CFHR4: variants seen among roughly 807,000 people sequenced by gnomAD.
CFHR4 encodes the protein complement factor H-related protein 4.
CFHR4 carries 64 observed loss-of-function variants against 69.3 expected under a neutral mutation model. That is an observed-to-expected ratio of 0.92 (90% CI 0.76 to 1.14). The LOEUF is 1.14. Ranked by LOEUF, CFHR4 falls within the 50% of genes most tolerant of loss-of-function variation. The pLI is 0.00. For synonymous variants in CFHR4, 244 were observed against 237.0 expected (o/e 1.03, Z -0.27); for missense variants, 636 against 684.9 (o/e 0.93, Z 0.80).
chr1:196,910,292 TG>T lies in CFHR4; in HGVS notation c.812del (p.Cys271LeufsTer23). 1 of 1,592,670 alleles carries T rather than the reference TG, an allele frequency of 6.3e-7. No homozygotes were observed. Among genetic ancestry groups the T allele is most frequent in the Non-Finnish European group, 8.6e-7 (1 of 1,167,456 alleles). ...TTTTTTGTTACAAGCAATGAAACCT[TG>T]TGAGTTTCCAGAAATTCAACATGGA... ...EPPRCISMKP[C>X]EFPEIQHGHL... On this transcript the variant is annotated frameshift_variant, in exon 6 of 10. Transcript: ENST00000608469. LOFTEE classifies it high-confidence loss of function.
rs1245531524 is a variant in CFHR4, at chr1:196,916,287, G to C, written c.1540+1149G>C. 4.0e-5 allele frequency among the ~76,000 whole-genome samples: 6 copies of C among 151,754 alleles called. No individual in the cohort carries two copies. In the East Asian group the frequency reaches 7.7e-4, roughly 20 times the overall value. ...CAAGTTTCTACTAGCCTATGAGGTA[G>C]AGCCCTGGGATACCCATCAGTCCTT... On this transcript the variant is annotated intron_variant, in intron 9 of 9. Coordinates refer to ENST00000608469, the MANE Select transcript of CFHR4 (RefSeq NM_001201550.3).
chr1:196,910,178 A>G, intron 5 of CFHR4, 103 bp from the exon 6 acceptor site: 1 of 755,680 alleles, frequency 1.3e-6, no homozygotes, highest in Non-Finnish European at 2.0e-6. Flanking sequence ...AAAGAAAAAA[A>G]AAAACATTAT....
intron 1 of CFHR4, among the ~76,000 whole-genome samples, chr1:196,890,625 C>A (rs1482169254): frequency 6.6e-6 from 1 of 151,390 alleles, no homozygotes; most frequent in Non-Finnish European, 1.5e-5. Flanking sequence ...TCAAAGGTGA[C>A]AATTAGTATT....
chr1:196,903,134 G>A (rs1351244506), intron 2 of CFHR4, among the ~76,000 whole-genome samples: 2 of 151,202 alleles, frequency 1.3e-5, no homozygotes, highest in Non-Finnish European at 2.9e-5. Flanking sequence ...AGATGCATTC[G>A]TGTCAGTTAG....
chr1:196,918,480 G>C lies in CFHR4; in HGVS notation c.*74G>C. 2.9e-6 allele frequency: 4 copies of C among 1,383,450 alleles called. No individual in the cohort carries two copies. The highest frequency in any genetic ancestry group is 4.1e-6 in the Non-Finnish European group (4 of 977,098). 85.7% of individuals were successfully genotyped at this position (1,383,450 alleles called of 1,614,324 possible). On this transcript the variant is annotated 3_prime_UTR_variant, in exon 10 of 10. Coordinates refer to ENST00000608469, the MANE Select transcript of CFHR4 (RefSeq NM_001201550.3). ...TATGGTCTCAAAGCTTGCAAAGATA[G>C]CTTCTGATATTGTTGTAATTTCTAC...
At chr1:196,905,894 A>G (rs1274587474) in intron 3 of CFHR4, among the ~76,000 whole-genome samples, 2 of 151,472 alleles carry the variant, frequency 1.3e-5, no homozygotes, top group African/African-American at 4.9e-5. Context: ...ATTCCTTACA[A>G]CTAAAGTTCT....
At position 196,915,158 on chromosome 1, in the gene CFHR4, G is replaced by C. The variant is rs1164855194; in HGVS notation, c.1540+20G>C. ...GCATACGTAAGTTCTTAAAATTCTA[G>C]ATCCTGAGAAAATCAGAGTAATAAG... On this transcript the variant is annotated intron_variant, in intron 9 of 9. Coordinates refer to ENST00000608469, the MANE Select transcript of CFHR4 (RefSeq NM_001201550.3). The C allele has an allele frequency of 1.9e-6, 3 of 1,601,362 alleles. No homozygotes were observed. In the African/African-American group the frequency reaches 4.1e-5, roughly 22 times the overall value.
intron 7 of CFHR4, among the ~76,000 whole-genome samples, chr1:196,914,195 T>A (rs1424739431): frequency 6.6e-6 from 1 of 151,514 alleles, no homozygotes; most frequent in East Asian, 1.9e-4. Context: ...AGTATCATAG[T>A]AGTAGACTTT....
At chr1:196,918,189 T>C in intron 9 of CFHR4, 21 bp from the exon 10 acceptor site, 1 of 1,596,546 alleles carries the variant, frequency 6.3e-7, no homozygotes, top group Non-Finnish European at 8.6e-7. Flanking sequence ...GATTGTTAAT[T>C]GTTTCTTTTT....
intron 6 of CFHR4, among the ~76,000 whole-genome samples, chr1:196,912,393 C>T (rs1253566681): frequency 6.6e-6 from 1 of 151,400 alleles, no homozygotes; most frequent in Non-Finnish European, 1.5e-5. Flanking sequence ...CTTAATAGTA[C>T]CAAAAATACT....
chr1:196,903,782 T>C (rs1031729459), intron 2 of CFHR4, among the ~76,000 whole-genome samples: 7 of 151,480 alleles, frequency 4.6e-5, no homozygotes, highest in Non-Finnish European at 8.8e-5. Flanking sequence ...TCAAAGTGAA[T>C]GCATTGATTT....
intron 1 of CFHR4, among the ~76,000 whole-genome samples, chr1:196,898,630 T>C (rs1657433529): frequency 6.6e-6 from 1 of 151,676 alleles, no homozygotes; most frequent in African/African-American, 2.4e-5. Context: ...TGTATGGTTG[T>C]GAAACATATT....
At chr1:196,911,104 G>T (rs1443003173) in intron 6 of CFHR4, among the ~76,000 whole-genome samples, 2 of 138,470 alleles carry the variant, frequency 1.4e-5, no homozygotes, top group African/African-American at 2.7e-5. Flanking sequence ...ACTTGTTTGA[G>T]ACCCCAGTAT....
intron 1 of CFHR4, among the ~76,000 whole-genome samples, chr1:196,895,307 C>T (rs1657239138): frequency 6.6e-6 from 1 of 151,408 alleles, no homozygotes; most frequent in South Asian, 2.1e-4. Context: ...GAGTTAATCT[C>T]ATTAAGTTCA....
At chr1:196,907,677 A>G (rs554426169) in intron 5 of CFHR4, among the ~76,000 whole-genome samples, 179 bp downstream of exon 5, 1 of 151,680 alleles carries the variant, frequency 6.6e-6, no homozygotes, top group African/African-American at 2.4e-5. Context: ...AATTTTATGT[A>G]AACAATGACA....
intron 1 of CFHR4, among the ~76,000 whole-genome samples, chr1:196,902,204 G>A (rs979501704): frequency 6.6e-6 from 1 of 151,320 alleles, no homozygotes; most frequent in African/African-American, 2.4e-5. Flanking sequence ...CTCATGGAGG[G>A]TACATTAAAT....
intron 5 of CFHR4, among the ~76,000 whole-genome samples, chr1:196,908,053 C>G (rs78528145): frequency 6.6e-6 from 1 of 151,414 alleles, no homozygotes; most frequent in South Asian, 2.1e-4. Context: ...CAAACTATCA[C>G]AAGAACAGAA....
At chr1:196,912,344 C>T (rs1465382299) in intron 6 of CFHR4, among the ~76,000 whole-genome samples, 1 of 151,290 alleles carries the variant, frequency 6.6e-6, no homozygotes, top group African/African-American at 2.4e-5. Context: ...CGTATCTTTG[C>T]CTGGGAAATG....
chr1:196,899,355 C>T (rs1213575334), intron 1 of CFHR4, among the ~76,000 whole-genome samples: 3 of 151,530 alleles, frequency 2.0e-5, no homozygotes, highest in Admixed American at 6.6e-5. Context: ...AGTGCAGCAG[C>T]GCAGTATACG....
Sources: gnomAD v4.1 joint callset for allele counts (sites outside exome capture counted in the v4.1 genomes callset) on GRCh38, gnomAD v4.1.1 for gene constraint, MANE v1.5 for transcripts, NCBI Gene and HGNC (gene_info 2026-07-23, HGNC 2026-07-21) for gene names.